The following GALNT16 variants were observed in gnomAD, a reference collection of about 807,000 sequenced individuals.
GALNT16 encodes UDP-GalNAc:polypeptide N-acetylgalactosaminyltransferase-like protein 1.
Under a neutral mutation model 76.1 loss-of-function variants are expected in GALNT16, and 40 were observed. The observed-to-expected ratio is 0.53, with a 90% confidence interval of 0.41 to 0.68. GALNT16 has a LOEUF of 0.68. Ranked by LOEUF, GALNT16 falls within the 30% of genes least tolerant of loss-of-function variation. GALNT16 has a pLI of 0.00. For synonymous variants in GALNT16, 276 were observed against 285.2 expected (o/e 0.97, Z 0.32); for missense variants, 621 against 731.9 (o/e 0.85, Z 1.75).
chr14:69,348,081 G>A, intron 14 of GALNT16, 79 bp downstream of exon 14: 2 of 1,457,976 alleles, frequency 1.4e-6, no homozygotes, highest in African/African-American at 1.4e-5. Flanking sequence ...TGGCAGGAGA[G>A]CCCCTGATTG....
chr14:69,376,741 T>G, the GALNT16 span, among the ~76,000 whole-genome samples: 1 of 152,108 alleles, frequency 6.6e-6, no homozygotes, highest in African/African-American at 2.4e-5. Context: ...TAGACAAGAC[T>G]GCTTATGAGA....
At chr14:69,272,553 C>A (rs574886298) in intron 1 of GALNT16, among the ~76,000 whole-genome samples, 22 of 152,052 alleles carry the variant, frequency 1.4e-4, no homozygotes, top group Non-Finnish European at 2.8e-4. Context: ...TGTTGCAGCA[C>A]AATTACTTTA....
intron 12 of GALNT16, among the ~76,000 whole-genome samples, chr14:69,343,219 G>C (rs1224239544): frequency 1.3e-5 from 2 of 152,212 alleles, no homozygotes; most frequent in African/African-American, 2.4e-5. Context: ...TGCTGCCATG[G>C]CTTTCCAGAA....
chr14:69,372,380 A>ATAT, the GALNT16 span, among the ~76,000 whole-genome samples: 1 of 152,076 alleles, frequency 6.6e-6, no homozygotes, highest in Non-Finnish European at 1.5e-5. Flanking sequence ...TGGAATCCCA[A>ATAT]TATCTACACT....
At chr14:69,325,096 A>C (rs1289641516) in intron 3 of GALNT16, among the ~76,000 whole-genome samples, 1 of 152,216 alleles carries the variant, frequency 6.6e-6, no homozygotes, top group East Asian at 1.9e-4. Flanking sequence ...AGTGTCTGTC[A>C]GTGTCAGAGA....
chr14:69,305,625 G>T lies in GALNT16; in HGVS notation c.178-15086G>T, dbSNP rs2044922160. On this transcript the variant is annotated intron_variant, in intron 1 of 14. Transcript: ENST00000448469. ...ATCAGGTTACTAGTTTTTTGTTTTT[G>T]TTTTTTTTAACTGTTGAGTTGTAGG... Among the ~76,000 whole-genome samples, 4 of 151,248 alleles carry T rather than the reference G, an allele frequency of 2.6e-5. No homozygotes were observed. In the South Asian group the frequency reaches 8.4e-4, roughly 32 times the overall value.
intron 1 of GALNT16, among the ~76,000 whole-genome samples, chr14:69,312,693 G>A (rs149635586): frequency 5.8e-4 from 89 of 152,348 alleles, no homozygotes; most frequent in African/African-American, 2.1e-3. Flanking sequence ...TTGAGCCATA[G>A]TCAAGAAGCG....
At chr14:69,325,560 C>T (rs2045270935) in intron 4 of GALNT16, among the ~76,000 whole-genome samples, 156 bp downstream of exon 4, 1 of 152,186 alleles carries the variant, frequency 6.6e-6, no homozygotes, top group Non-Finnish European at 1.5e-5. Flanking sequence ...CTCCCTGGTC[C>T]TGTTCCCTGG....
chr14:69,375,548 ACTC>A, the GALNT16 span, among the ~76,000 whole-genome samples: 5 of 151,280 alleles, frequency 3.3e-5, no homozygotes, highest in Non-Finnish European at 7.4e-5. Flanking sequence ...TACCATGGCA[ACTC>A]CTCCAACCGC....
chr14:69,272,706 T>G lies in GALNT16; in HGVS notation c.177+12239T>G, dbSNP rs572924943. ...TCCTGCAAGCTCCATTCATGGTATG[T>G]GCCCTATACAAGTCTACCATTTTTT... is the stretch of plus-strand genomic sequence containing the variant. On this transcript the variant is annotated intron_variant, in intron 1 of 14. Transcript: ENST00000448469. 5.7e-4 allele frequency among the ~76,000 whole-genome samples: 87 copies of G among 152,230 alleles called. 1 individual carries two copies. The highest frequency in any genetic ancestry group is 3.2e-3 in the Middle Eastern group (1 of 316).
intron 2 of GALNT16, among the ~76,000 whole-genome samples, chr14:69,322,981 T>TGTGCGTGCGC (rs1196943800): frequency 3.5e-5 from 1 of 28,324 alleles, no homozygotes; most frequent in Non-Finnish European, 5.8e-5. Flanking sequence ...TGTGTGTGTG[T>TGTGCGTGCGC]GCGCGCGCAC....
intron 12 of GALNT16, 121 bp from the exon 13 acceptor site, chr14:69,346,919 C>A (rs945639237): frequency 2.5e-6 from 3 of 1,199,804 alleles, no homozygotes; most frequent in Admixed American, 3.5e-5. Flanking sequence ...AGGCTGCTCC[C>A]GGGCCCCTTC....
the GALNT16 span, chr14:69,380,426 A>T: frequency 1.7e-6 from 1 of 587,018 alleles, no homozygotes. Flanking sequence ...AATCTTGGCT[A>T]GAGTATAACA....
At chr14:69,292,229 C>A (rs1424893053) in intron 1 of GALNT16, among the ~76,000 whole-genome samples, 1 of 152,228 alleles carries the variant, frequency 6.6e-6, no homozygotes, top group Admixed American at 6.5e-5. Context: ...TGTGCAAGGC[C>A]ACACAGCTAG....
intron 13 of GALNT16, 29 bp downstream of exon 13, chr14:69,347,210 G>C: frequency 6.4e-7 from 1 of 1,564,840 alleles, no homozygotes; most frequent in South Asian, 1.2e-5. Flanking sequence ...AATGGGAGTG[G>C]GAGAGAGCTG....
the GALNT16 span, among the ~76,000 whole-genome samples, chr14:69,376,522 G>A: frequency 2.6e-5 from 4 of 152,148 alleles, no homozygotes; most frequent in African/African-American, 9.6e-5. Flanking sequence ...CATTCCATCA[G>A]TATCCTGTTT....
intron 2 of GALNT16, among the ~76,000 whole-genome samples, chr14:69,322,900 AAAAG>A (rs1327736369): frequency 6.7e-6 from 1 of 149,348 alleles, no homozygotes; most frequent in Non-Finnish European, 1.5e-5. Context: ...CAAAAAAGAA[AAAAG>A]AAAGCTGAGG....
At chr14:69,367,076 T>C in the GALNT16 span, among the ~76,000 whole-genome samples, 2 of 151,958 alleles carry the variant, frequency 1.3e-5, no homozygotes, top group Admixed American at 6.6e-5. Context: ...ATAAGAGGCA[T>C]GGAGAGATTG....
intron 2 of GALNT16, among the ~76,000 whole-genome samples, chr14:69,322,981 T>TGTGTGTGTGTGTGC (rs1196943800): frequency 6.0e-4 from 17 of 28,344 alleles, no homozygotes; most frequent in African/African-American, 2.4e-3. Context: ...TGTGTGTGTG[T>TGTGTGTGTGTGTGC]GCGCGCGCAC....
Sources: allele counts gnomAD v4.1 joint callset (sites outside exome capture counted in the v4.1 genomes callset), GRCh38; gene constraint gnomAD v4.1.1; transcripts MANE v1.5; gene names NCBI Gene and HGNC (gene_info 2026-07-23, HGNC 2026-07-21).